ZACN: variants seen among roughly 807,000 people sequenced by gnomAD.
ZACN encodes the protein ligand-gated cation channel ZACN.
In ZACN, 52 loss-of-function variants were observed where a neutral mutation model predicts 38.9. That is an observed-to-expected ratio of 1.34 (90% CI 1.07 to 1.68). ZACN has a LOEUF of 1.68. Among genes scored for constraint, ZACN ranks in the 40% most tolerant of loss-of-function variants. The probability of loss-of-function intolerance (pLI) is 0.00; values close to 1 mark genes in which losing one functional copy is unlikely to be tolerated. For missense variants in ZACN, 559 were observed against 525.6 expected (o/e 1.06, Z -0.62); for synonymous variants, 235 against 227.4 (o/e 1.03, Z -0.30).
rs2066998229 is a variant in ZACN at position 76,081,936 on chromosome 17, T to G, written c.935T>G (p.Val312Gly). The G allele has an allele frequency of 1.2e-6, 2 of 1,613,302 alleles. No homozygotes were observed. The highest frequency in any genetic ancestry group is 1.7e-6 in the Non-Finnish European group (2 of 1,179,878). ...CTCTTCCTCAGCACCATAGAGACTGTGCTGCTGGCTGGGCTGCTGGCCCGG... is the reference window on the plus strand; with the variant it reads ...CTCTTCCTCAGCACCATAGAGACTGGGCTGCTGGCTGGGCTGCTGGCCCGG... ...LLLFLSTIET[V>G]LLAGLLARGN... Residue 312 changes from valine to glycine, a missense_variant, in exon 8 of 9, where the codon GTG (valine) becomes GGG (glycine). Coordinates refer to ENST00000334586, the MANE Select transcript of ZACN (RefSeq NM_180990.4).
Position 76,082,595 on chromosome 17 carries a change from G to T in ZACN, c.1181G>T (p.Cys394Phe). 1 of 1,613,592 alleles carries T rather than the reference G, an allele frequency of 6.2e-7. No homozygotes were observed. The highest frequency in any genetic ancestry group is 8.5e-7 in the Non-Finnish European group (1 of 1,179,914). ...VFAGIWMWAA[C>F]KSDAAPGEAA... The stretch of plus-strand genomic sequence containing the variant: ...GCAGGAATCTGGATGTGGGCAGCGT[G>T]CAAGTCTGACGCAGCCCCTGGAGAG... Residue 394 changes from cysteine to phenylalanine, a missense_variant, in exon 9 of 9, where the codon TGC becomes TTC. By Grantham distance (205) the Cys-to-Phe change is radical. Transcript: ENST00000334586.
chr17:76,082,614 T>G lies in ZACN; in HGVS notation c.1200T>G (p.Pro400=). 1.2e-6 allele frequency: 2 copies of G among 1,613,096 alleles called. No individual in the cohort carries two copies. Among genetic ancestry groups the G allele is most frequent in the Non-Finnish European group, 1.7e-6 (2 of 1,179,770 alleles). The part of the protein sequence containing the change: ...MWAACKSDAA[P]GEAAPHGRRP... ...CAGCGTGCAAGTCTGACGCAGCCCC[T>G]GGAGAGGCTGCACCCCATGGCAGGC... Residue 400 remains proline (P), a synonymous_variant, in exon 9 of 9, where the codon CCT becomes CCG. Transcript: ENST00000334586.
chr17:76,080,118 CACCTTCACTGCCT>C, intron 4 of ZACN, 124 bp downstream of exon 4: 2 of 1,447,148 alleles, frequency 1.4e-6, no homozygotes, highest in Non-Finnish European at 1.9e-6. Context: ...ACTAGCAGTG[CACCTTCACTGCCT>C]CGAATTCCCC....
Position 76,082,447 on chromosome 17 carries a change from G to GT in ZACN, c.1049-15dup. ...ACCTTGAAGAACAGCTCCTTTCCCT[G>GT]TATCTCTCCCCACAGAGCCCTCCAG... On this transcript the variant is annotated splice_polypyrimidine_tract_variant and intron_variant, in intron 8 of 8. Transcript: ENST00000334586. 2 of 1,589,122 alleles carry GT rather than the reference G, an allele frequency of 1.3e-6. No homozygotes were observed. The highest frequency in any genetic ancestry group is 1.7e-6 in the Non-Finnish European group (2 of 1,166,854).
Position 76,080,322 on chromosome 17 carries a change from AACCTGGCCCTCG to A in ZACN, c.443_454del (p.Asn148_Ala152delinsThr). 1 of 1,613,866 alleles carries A rather than the reference AACCTGGCCCTCG, an allele frequency of 6.2e-7. No homozygotes were observed. The highest frequency in any genetic ancestry group is 8.5e-7 in the Non-Finnish European group (1 of 1,179,864). On this transcript the variant is annotated inframe_deletion, in exon 5 of 9. Transcript: ENST00000334586. Reference sequence around the variant, plus strand: ...AGACCAGGACGGCCACGTGAAGCTCAACCTGGCCCTCGCCACGGAGACCAACTGCAACTTTGA... The same window carrying A: ...AGACCAGGACGGCCACGTGAAGCTCACCACGGAGACCAACTGCAACTTTGA...
In ZACN at chr17:76,081,722, C is replaced by T. The variant is rs368377504; in HGVS notation, c.847C>T (p.Leu283=). ...CCTCCACTCCTCCCTGGTGCAGGCC[C>T]TGCCCAGCTCCTCCTCCTGCAACCC... ...LVLHSSLVQA[L]PSSSSCNPLL... is the part of the protein sequence containing the mutation. The change falls in exon 7 of 9, where the codon CTG becomes TTG. Residue 283 remains leucine, a synonymous_variant. Coordinates refer to ENST00000334586, the MANE Select transcript of ZACN (RefSeq NM_180990.4). 2.8e-4 allele frequency: 458 copies of T among 1,613,970 alleles called. No individual in the cohort carries two copies. The highest frequency in any genetic ancestry group is 3.5e-4 in the Non-Finnish European group (418 of 1,180,000).
chr17:76,082,804 C>T lies in ZACN; in HGVS notation c.*151C>T. 1 of 706,654 alleles carries T rather than the reference C, an allele frequency of 1.4e-6. No individual in the cohort carries two copies. The highest frequency in any genetic ancestry group is 2.1e-6 in the Non-Finnish European group (1 of 467,986). 43.8% of individuals were successfully genotyped at this position (706,654 alleles called of 1,614,324 possible). On this transcript the variant is annotated 3_prime_UTR_variant, in exon 9 of 9. Coordinates refer to ENST00000334586, the MANE Select transcript of ZACN (RefSeq NM_180990.4). ...GCGTGAAATAAACCCATCTCCAGTG[C>T]AAGTGTGCCTCAAGGGTCAGTCTTC...
Position 76,082,506 on chromosome 17 carries a change from G to C in ZACN, c.1092G>C (p.Glu364Asp). Residue 364 changes from glutamate (E) to aspartate (D), a missense_variant, in exon 9 of 9, where the codon GAG becomes GAC. Physicochemically the swap from Glu to Asp is conservative, Grantham distance 45. Transcript: ENST00000334586. ...AGGGGTCACAGAGAAGCTGGCCTGA[G>C]ACTGCTGACCGCATCTTCTTCCTCG... ...GVKGSQRSWPETADRIFFLVY... is the reference protein window; with the variant it reads ...GVKGSQRSWPDTADRIFFLVY... 1.2e-6 allele frequency: 2 copies of C among 1,613,732 alleles called. No homozygotes were observed. The highest frequency in any genetic ancestry group is 3.3e-4 in the Middle Eastern group (2 of 6,056).
chr17:76,079,652 TTC>T, intron 2 of ZACN, 48 bp from the exon 3 acceptor site: 1 of 1,611,296 alleles, frequency 6.2e-7, no homozygotes, highest in Non-Finnish European at 8.5e-7. Flanking sequence ...TCCTGCTGCG[TTC>T]TTTCAACACA....
In ZACN at chr17:76,081,990, G is replaced by C. The variant is rs1375716175; in HGVS notation, c.989G>C (p.Ser330Thr). ...AACCTTGGGGCCAAGAGCGGCCCCA[G>C]CCCAGCCCCGAGAGGGGAACAGCGA... ...RGNLGAKSGP[S>T]PAPRGEQREH... The change falls in exon 8 of 9, where the codon AGC becomes ACC. Residue 330 changes from serine to threonine, a missense_variant. Transcript: ENST00000334586. 1 of 1,611,770 alleles carries C rather than the reference G, an allele frequency of 6.2e-7. No individual in the cohort carries two copies. The highest frequency in any genetic ancestry group is 1.1e-5 in the South Asian group (1 of 90,998).
At chr17:76,080,599 C>T (rs1044753103) in intron 5 of ZACN, 175 bp downstream of exon 5, 5 of 919,560 alleles carry the variant, frequency 5.4e-6, no homozygotes, top group African/African-American at 4.9e-5. Flanking sequence ...CTTAGGCGGG[C>T]AGCACCTGCT....
Position 76,081,738 on chromosome 17 carries a change from C to T in ZACN, c.863C>T (p.Ser288Phe). 6.2e-7 allele frequency: 1 copy of T among 1,614,084 alleles called. No homozygotes were observed. The highest frequency in any genetic ancestry group is 8.5e-7 in the Non-Finnish European group (1 of 1,179,994). The change falls in exon 7 of 9, where the codon TCC becomes TTC. Residue 288 changes from serine (S) to phenylalanine (F), a missense_variant. By Grantham distance (155) the Ser-to-Phe change is radical. Transcript: ENST00000334586. ...GTGCAGGCCCTGCCCAGCTCCTCCT[C>T]CTGCAACCCACTGCTCAGTAAGCCC... ...SLVQALPSSS[S>F]CNPLLIYYFT...
At chr17:76,080,806 A>G (rs1043210104) in intron 5 of ZACN, 8 of 478,612 alleles carry the variant, frequency 1.7e-5, no homozygotes, top group Admixed American at 4.6e-5. Flanking sequence ...GGCCCCTTGC[A>G]GCAAGGCCAG....
At chr17:76,079,406 G>C (rs922842313) in intron 1 of ZACN, 33 bp from the exon 2 acceptor site, 1 of 1,614,074 alleles carries the variant, frequency 6.2e-7, no homozygotes, top group African/African-American at 1.3e-5. Flanking sequence ...TGGGCCCTAG[G>C]GCACCTGAGT....
At chr17:76,080,186 T>C in intron 4 of ZACN, 69 bp from the exon 5 acceptor site, 2 of 1,524,978 alleles carry the variant, frequency 1.3e-6, no homozygotes, top group South Asian at 2.5e-5. Flanking sequence ...GGGGTTGGGA[T>C]GCCAGGGTCT....
At position 76,079,291 on chromosome 17, in the gene ZACN, T is replaced by G; in HGVS notation, c.27T>G (p.His9Gln). The G allele has an allele frequency of 1.2e-6, 2 of 1,613,978 alleles. No homozygotes were observed. The highest frequency in any genetic ancestry group is 1.7e-6 in the Non-Finnish European group (2 of 1,179,910). The change falls in exon 1 of 9, where the codon CAT becomes CAG. Residue 9 changes from histidine (H) to glutamine (Q), a missense_variant. Coordinates refer to ENST00000334586, the MANE Select transcript of ZACN (RefSeq NM_180990.4). ...TGATGGCCCTATGGTCCCTGCTCCA[T>G]CTCACCTTCCTGGGGTTCAGCATTA... MMALWSLL[H>Q]LTFLGFSITL...
At position 76,080,063 on chromosome 17, in the gene ZACN, A is replaced by G; in HGVS notation, c.374+69A>G. On this transcript the variant is annotated intron_variant, in intron 4 of 8. Coordinates refer to ENST00000334586, the MANE Select transcript of ZACN (RefSeq NM_180990.4). ...CCTCCTTTTCCCCCATCTACAACCT[A>G]GAGGCTGTCTGAGTGAATATGACCC... The G allele has an allele frequency of 2.0e-6, 3 of 1,507,864 alleles. No homozygotes were observed. In the South Asian group the frequency reaches 3.6e-5, roughly 18 times the overall value. The allele number at this position is 1,507,864 out of a possible 1,614,324, so 93.4% of individuals were successfully genotyped here.
intron 8 of ZACN, 57 bp from the exon 9 acceptor site, chr17:76,082,406 C>G (rs536559451): frequency 2.0e-6 from 3 of 1,508,792 alleles, no homozygotes; most frequent in Middle Eastern, 1.8e-4. Flanking sequence ...TTCGCTCTTC[C>G]GCTCATGTTG....
At chr17:76,081,784 CCT>C (rs1171724313) in intron 7 of ZACN, 29 bp downstream of exon 7, 4 of 1,613,560 alleles carry the variant, frequency 2.5e-6, no homozygotes, top group South Asian at 1.1e-5. Flanking sequence ...CCCAGTCTGC[CCT>C]GTTTCTCCCC....
Sources: allele counts gnomAD v4.1 joint callset, GRCh38; gene constraint gnomAD v4.1.1; transcripts MANE v1.5; gene names NCBI Gene and HGNC (gene_info 2026-07-23, HGNC 2026-07-21).